MAP3K15: variants seen among roughly 807,000 people sequenced by gnomAD.
MAP3K15 encodes the protein mitogen-activated protein kinase kinase kinase 15, also known as MAPK/ERK kinase kinase 15.
In MAP3K15, 124 loss-of-function variants were observed where a neutral mutation model predicts 99.5. That is an observed-to-expected ratio of 1.25 (90% CI 1.08 to 1.45). The LOEUF (loss-of-function observed/expected upper bound fraction) is 1.45. Ranked by LOEUF, MAP3K15 falls within the 40% of genes most tolerant of loss-of-function variation. The probability of loss-of-function intolerance (pLI) is 0.00; values close to 1 mark genes in which losing one functional copy is unlikely to be tolerated. For synonymous variants in MAP3K15, 494 were observed against 439.6 expected (o/e 1.12, Z -1.55); for missense variants, 1,242 against 1,079.7 (o/e 1.15, Z -2.11).
chrX:19,415,787 T>G (rs375704928), intron 9 of MAP3K15, among the ~76,000 whole-genome samples: 1 of 111,874 alleles, frequency 8.9e-6, no homozygotes, highest in East Asian at 2.8e-4. Flanking sequence ...CTGGTCCATT[T>G]TATCATTTAC....
rs1427120012 is a variant in MAP3K15 at position 19,380,531 on chromosome X, C to CT, written c.2432-255dup. ...CCATGCATAAATAATATGGTTGCTT[C>CT]TTTTTTTTTTTTGAGACAGAGTCTT... On this transcript the variant is annotated intron_variant, in intron 18 of 28. Transcript: ENST00000338883. Among the ~76,000 whole-genome samples, 517 of 105,491 alleles carry CT rather than the reference C, an allele frequency of 4.9e-3. 2 individuals are homozygous for CT. Among genetic ancestry groups the CT allele is most frequent in the African/African-American group, 0.014 (413 of 29,372 alleles). The allele number at this position is 105,491 out of a possible 115,157, so 91.6% of individuals were successfully genotyped here.
chrX:19,429,258 A>C (rs924771205), intron 7 of MAP3K15, among the ~76,000 whole-genome samples: 2 of 110,942 alleles, frequency 1.8e-5, no homozygotes, highest in African/African-American at 6.6e-5. Flanking sequence ...TGTGAAGGAT[A>C]GACTGAGCAG....
At chrX:19,414,928 G>T (rs1475479575) in intron 10 of MAP3K15, among the ~76,000 whole-genome samples, 179 bp downstream of exon 10, 1 of 111,995 alleles carries the variant, frequency 8.9e-6, no homozygotes, top group East Asian at 2.8e-4. Context: ...AGAGGATATG[G>T]CCAATGATCT....
intron 11 of MAP3K15, 127 bp downstream of exon 11, chrX:19,413,230 T>C (rs2063703320): frequency 2.0e-6 from 1 of 493,030 alleles, no homozygotes; most frequent in Non-Finnish European, 3.5e-6. Context: ...CTCTCATCTG[T>C]GATGATACTC....
In MAP3K15 at chrX:19,361,495, T is replaced by C; in HGVS notation, c.3778A>G (p.Lys1260Glu). ...LQGADAKTIE[K>E]IVEEGYTLSD... ...GAATTTCTTTGTTGTAAATTTACCT[T>C]TTCAATTGTCTTTGCATCAGCTCCT... Residue 1260 changes from lysine to glutamate, a missense_variant and splice_region_variant, in exon 27 of 29, where the codon AAG (lysine) becomes GAG (glutamate). By Grantham distance (56) the Lys-to-Glu change is moderately conservative (BLOSUM62 1). Transcript: ENST00000338883. 1 of 1,209,062 alleles carries C rather than the reference T, an allele frequency of 8.3e-7. No homozygotes were observed. The highest frequency in any genetic ancestry group is 1.1e-6 in the Non-Finnish European group (1 of 892,988).
intron 11 of MAP3K15, among the ~76,000 whole-genome samples, chrX:19,410,209 G>C (rs1402666310): frequency 8.9e-6 from 1 of 112,343 alleles, no homozygotes; most frequent in Non-Finnish European, 1.9e-5. Context: ...AATAATCTAA[G>C]TTTCAGATAG....
At chrX:19,446,241 TACA>T (rs1029349007) in intron 6 of MAP3K15, among the ~76,000 whole-genome samples, 3 of 112,183 alleles carry the variant, frequency 2.7e-5, no homozygotes, top group African/African-American at 6.5e-5. Context: ...TAATTGAGTT[TACA>T]ACAACAAATA....
chrX:19,386,154 T>C (rs1755708956), intron 18 of MAP3K15, among the ~76,000 whole-genome samples: 1 of 111,710 alleles, frequency 9.0e-6, no homozygotes, highest in East Asian at 2.8e-4. Flanking sequence ...AAATTGGGTT[T>C]CCTTCAATCT....
chrX:19,454,829 G>A (rs1417917152), intron 6 of MAP3K15, among the ~76,000 whole-genome samples: 1 of 111,997 alleles, frequency 8.9e-6, no homozygotes, highest in Non-Finnish European at 1.9e-5. Context: ...ATTTTGGAAT[G>A]TTTACATTAT....
intron 1 of MAP3K15, among the ~76,000 whole-genome samples, chrX:19,509,628 A>T (rs1224720632): frequency 8.9e-6 from 1 of 112,131 alleles, no homozygotes; most frequent in Non-Finnish European, 1.9e-5. Context: ...CTAAATGCCC[A>T]CAAGAGAAAG....
rs778480300 is a variant in MAP3K15 at position 19,414,317 on chromosome X, T to C, written c.1590+790A>G. The C allele has an allele frequency of 1.1e-4, 18 of 171,120 alleles. No individual in the cohort carries two copies. The South Asian group carries it at 4.5e-3, about 43-fold the overall frequency. 14.1% of individuals were successfully genotyped at this position (171,120 alleles called of 1,213,427 possible). A position where few individuals can be genotyped will look rare whatever the true frequency, so the allele number is the denominator to read the frequency against. ...TATTTTTTTGTACCTTTCAGTAGGT[T>C]TGAAATATTTCATAACTAAAAAAAG... On this transcript the variant is annotated intron_variant, in intron 10 of 28. Coordinates refer to ENST00000338883, the MANE Select transcript of MAP3K15 (RefSeq NM_001001671.4).
chrX:19,488,883 G>T lies in MAP3K15; in HGVS notation c.446C>A (p.Ala149Asp), dbSNP rs1231322832. 1 of 1,196,751 alleles carries T rather than the reference G, an allele frequency of 8.4e-7. No individual in the cohort carries two copies. The highest frequency in any genetic ancestry group is 1.8e-5 in the South Asian group (1 of 56,754). The change falls in exon 2 of 29, where the codon GCC (alanine) becomes GAC (aspartate). Residue 149 changes from alanine (A) to aspartate (D), a missense_variant. Physicochemically the swap from Ala to Asp is moderately radical, Grantham distance 126 (BLOSUM62 -2). Coordinates refer to ENST00000338883, the MANE Select transcript of MAP3K15 (RefSeq NM_001001671.4). ...GTCATGGTACAAGATCACATTATTGGCCATGTCAAAGCTTTCTCGGACTCC... is the reference window on the plus strand; with the variant it reads ...GTCATGGTACAAGATCACATTATTGTCCATGTCAAAGCTTTCTCGGACTCC... ...HLGVRESFDM[A>D]NNVILYHDTD... is the part of the protein sequence containing the mutation.
intron 1 of MAP3K15, among the ~76,000 whole-genome samples, chrX:19,507,841 A>T (rs181219677): frequency 1.8e-5 from 2 of 110,611 alleles, no homozygotes; most frequent in Admixed American, 9.7e-5. Flanking sequence ...TTTTAAAAAA[A>T]GTTCTGGAGA....
rs2064556161 is a variant in MAP3K15 at position 19,515,424 on chromosome X, GC to G, written c.-164del. On this transcript the variant is annotated 5_prime_UTR_variant, in exon 1 of 29. Coordinates refer to ENST00000338883, the MANE Select transcript of MAP3K15 (RefSeq NM_001001671.4). ...GAGCGCACCGGGGACCCCGCGGCGG[GC>G]CGAAGACGGCAGTACCCCTAGGCTG... Among the ~76,000 whole-genome samples the G allele has an allele frequency of 8.9e-6, 1 of 112,619 alleles. No homozygotes were observed. The highest frequency in any genetic ancestry group is 1.9e-5 in the Non-Finnish European group (1 of 53,060).
intron 1 of MAP3K15, among the ~76,000 whole-genome samples, chrX:19,503,001 C>T (rs1439498806): frequency 9.0e-6 from 1 of 111,505 alleles, no homozygotes; most frequent in Non-Finnish European, 1.9e-5. Context: ...TACAAAGCTA[C>T]TGACAGTAAC....
chrX:19,505,660 A>G (rs1197777562), intron 1 of MAP3K15, among the ~76,000 whole-genome samples: 3 of 111,301 alleles, frequency 2.7e-5, no homozygotes, highest in Non-Finnish European at 5.7e-5. Flanking sequence ...CCTATATGGT[A>G]GTAAGGATGA....
intron 1 of MAP3K15, among the ~76,000 whole-genome samples, chrX:19,505,347 A>AT (rs2064469239): frequency 1.8e-5 from 2 of 111,955 alleles, no homozygotes; most frequent in Admixed American, 1.9e-4. Flanking sequence ...GTTGGACTAG[A>AT]TTTTCAAAAC....
At chrX:19,470,408 G>C (rs747408048) in intron 3 of MAP3K15, among the ~76,000 whole-genome samples, 16 of 110,287 alleles carry the variant, frequency 1.5e-4, no homozygotes, top group African/African-American at 5.3e-4. Context: ...TTGTGGGGTG[G>C]GGGGAGCAGG....
At chrX:19,477,453 C>T (rs907573585) in intron 3 of MAP3K15, among the ~76,000 whole-genome samples, 7 of 111,240 alleles carry the variant, frequency 6.3e-5, no homozygotes, top group South Asian at 3.8e-4. Flanking sequence ...CCTGTAACCC[C>T]GGCACTTTGG....
Sources: allele counts gnomAD v4.1 joint callset (sites outside exome capture counted in the v4.1 genomes callset), GRCh38; gene constraint gnomAD v4.1.1; transcripts MANE v1.5; gene names NCBI Gene and HGNC (gene_info 2026-07-23, HGNC 2026-07-21).